ERICH3: variants seen among roughly 807,000 people sequenced by gnomAD.
ERICH3 encodes the protein glutamate rich 3.
Under a neutral mutation model 131.1 loss-of-function variants are expected in ERICH3, and 126 were observed. The observed-to-expected ratio is 0.96, with a 90% confidence interval of 0.83 to 1.11. ERICH3 has a LOEUF of 1.11. ERICH3 is among the 50% of genes most tolerant of loss of function. ERICH3 has a pLI of 0.00. For synonymous variants in ERICH3, 695 were observed against 644.6 expected, an observed-to-expected ratio of 1.08 and a Z score of -1.18; for missense variants, 2,050 against 1,810.7, an observed-to-expected ratio of 1.13 and a Z score of -2.40.
chr1:74,653,630 A>G (rs543846841), intron 1 of ERICH3, among the ~76,000 whole-genome samples: 1 of 152,278 alleles, frequency 6.6e-6, no homozygotes, highest in South Asian at 2.1e-4. Context: ...AGACCCATGT[A>G]ATATGAACAA....
chr1:74,613,771 G>T (rs1486498649), intron 8 of ERICH3, among the ~76,000 whole-genome samples: 1 of 151,978 alleles, frequency 6.6e-6, no homozygotes, highest in Admixed American at 6.6e-5. Context: ...CCCCACAGAC[G>T]TCCTAAACCC....
At position 74,606,912 on chromosome 1, in the gene ERICH3, A is replaced by G; in HGVS notation, c.1188-10T>C. ...CATTGCAATAATGCACCTATGAAAA[A>G]TATTAGCAGGAAGTGTTTGTTAACC... On this transcript the variant is annotated splice_polypyrimidine_tract_variant and intron_variant, in intron 9 of 14. Transcript: ENST00000326665. 6.2e-7 allele frequency: 1 copy of G among 1,604,728 alleles called. No homozygotes were observed. The highest frequency in any genetic ancestry group is 8.5e-7 in the Non-Finnish European group (1 of 1,175,870).
At chr1:74,671,751 A>G (rs1477921563) in intron 1 of ERICH3, among the ~76,000 whole-genome samples, 2 of 152,128 alleles carry the variant, frequency 1.3e-5, no homozygotes, top group African/African-American at 2.4e-5. Context: ...TTCTAACACA[A>G]TTTTCATTTC....
rs776725780 is a variant in ERICH3 at position 74,573,146 on chromosome 1, C to A, written c.2564G>T (p.Gly855Val). ...TGCTGCTTGTCCTATGGGGTCTGAC[C>A]CCCCTTCACCCAGCCTTCTGACCCC... is the stretch of plus-strand genomic sequence containing the variant. Reference protein sequence around the residue: ...AEGVRRLGEGGSDPIGQAAAK... With the variant: ...AEGVRRLGEGVSDPIGQAAAK... The change falls in exon 14 of 15, where the codon GGG becomes GTG. Residue 855 changes from glycine (G) to valine (V), a missense_variant. Gly to Val is a moderately radical substitution (Grantham distance 109, BLOSUM62 -3). Coordinates refer to ENST00000326665, the MANE Select transcript of ERICH3 (RefSeq NM_001002912.5). The A allele has an allele frequency of 1.9e-6, 3 of 1,612,830 alleles. No individual in the cohort carries two copies. In the South Asian group the frequency reaches 3.3e-5, roughly 18 times the overall value.
chr1:74,646,702 C>T lies in ERICH3; in HGVS notation c.208G>A (p.Ala70Thr). ...DHQKYIRECLAQAIFHKVLDM... is the reference protein window; with the variant it reads ...DHQKYIRECLTQAIFHKVLDM... ...AGAACTTTATGAAAAATTGCCTGGG[C>T]TAAGCATTCCCGGATATATTTTTGA... Residue 70 changes from alanine (A) to threonine (T), a missense_variant, in exon 3 of 15, where the codon GCC becomes ACC. By Grantham distance (58) the Ala-to-Thr change is moderately conservative. Coordinates refer to ENST00000326665, the MANE Select transcript of ERICH3 (RefSeq NM_001002912.5). The T allele has an allele frequency of 2.0e-6, 3 of 1,471,438 alleles. No homozygotes were observed. The highest frequency in any genetic ancestry group is 2.8e-6 in the Non-Finnish European group (3 of 1,086,338). 91.1% of individuals were successfully genotyped at this position (1,471,438 alleles called of 1,614,324 possible).
chr1:74,610,792 C>G (rs577725436), intron 9 of ERICH3, among the ~76,000 whole-genome samples: 1 of 151,958 alleles, frequency 6.6e-6, no homozygotes, highest in Non-Finnish European at 1.5e-5. Context: ...TGCACTATAA[C>G]TCGTGCCATG....
intron 13 of ERICH3, among the ~76,000 whole-genome samples, chr1:74,574,235 T>G (rs1259014651): frequency 6.6e-6 from 1 of 152,126 alleles, no homozygotes; most frequent in Admixed American, 6.6e-5. Context: ...CTCTTGGATC[T>G]CAAACTCCCA....
intron 10 of ERICH3, among the ~76,000 whole-genome samples, 164 bp from the exon 11 acceptor site, chr1:74,600,095 G>A (rs1457819175): frequency 6.6e-6 from 1 of 151,794 alleles, no homozygotes; most frequent in Non-Finnish European, 1.5e-5. Context: ...AACAGCAAAT[G>A]ATCAAAGATT....
chr1:74,582,637 C>T (rs1373502900), intron 12 of ERICH3, among the ~76,000 whole-genome samples: 1 of 151,958 alleles, frequency 6.6e-6, no homozygotes, highest in Non-Finnish European at 1.5e-5. Context: ...TTTGTGGAAA[C>T]AAATCAAATA....
At chr1:74,617,799 A>T (rs1232965804) in intron 8 of ERICH3, among the ~76,000 whole-genome samples, 3 of 152,236 alleles carry the variant, frequency 2.0e-5, no homozygotes, top group Non-Finnish European at 2.9e-5. Flanking sequence ...TCTAAAAAGA[A>T]ATTGAATTAT....
intron 8 of ERICH3, among the ~76,000 whole-genome samples, chr1:74,617,215 C>A (rs868385755): frequency 2.7e-5 from 4 of 146,336 alleles, no homozygotes; most frequent in African/African-American, 1.0e-4. Context: ...ACAACAATAA[C>A]CTTTGATAGG....
intron 2 of ERICH3, among the ~76,000 whole-genome samples, chr1:74,647,781 T>A (rs1028672158): frequency 6.6e-6 from 1 of 152,164 alleles, no homozygotes; most frequent in African/African-American, 2.4e-5. Flanking sequence ...CACTGGAGTA[T>A]TAAGATCAAC....
intron 12 of ERICH3, among the ~76,000 whole-genome samples, chr1:74,581,039 A>G (rs985347969): frequency 6.6e-6 from 1 of 152,142 alleles, no homozygotes; most frequent in Non-Finnish European, 1.5e-5. Context: ...GTTTTCCTGT[A>G]TAGTCGTATG....
At chr1:74,647,132 C>T (rs907558451) in intron 2 of ERICH3, among the ~76,000 whole-genome samples, 3 of 152,146 alleles carry the variant, frequency 2.0e-5, no homozygotes, top group African/African-American at 7.2e-5. Context: ...TGTGAAAACA[C>T]ACACAGGTGG....
At position 74,580,494 on chromosome 1, in the gene ERICH3, C is replaced by G. The variant is rs1282315157; in HGVS notation, c.2177-3558G>C. The stretch of plus-strand genomic sequence containing the variant: ...TTTTAGAAGCTTTTTATACATATTT[C>G]TAAATGTTCTTTTAAAAAGGAGGTA... On this transcript the variant is annotated intron_variant, in intron 12 of 14. Transcript: ENST00000326665. Among the ~76,000 whole-genome samples, 3 of 152,090 alleles carry G rather than the reference C, an allele frequency of 2.0e-5. No individual in the cohort carries two copies. The East Asian group carries it at 5.8e-4, about 29-fold the overall frequency.
chr1:74,665,938 T>A (rs1303168632), intron 1 of ERICH3, among the ~76,000 whole-genome samples: 1 of 152,016 alleles, frequency 6.6e-6, no homozygotes, highest in African/African-American at 2.4e-5. Context: ...TAAGTATATA[T>A]CATGGATTTA....
Position 74,573,456 on chromosome 1 carries a change from C to A in ERICH3, c.2254G>T (p.Ala752Ser), listed in dbSNP as rs1409470709. ...TGGGATTCCTTGTTTGAGTTGATTG[C>A]TGCTGTTTCATCCACCATGAAATTC... ...TMNFMVDETA[A>S]INSNKESQQL... The change falls in exon 14 of 15, where the codon GCA (alanine) becomes TCA (serine). Residue 752 changes from alanine to serine, a missense_variant. Physicochemically the swap from Ala to Ser is moderately conservative, Grantham distance 99. Transcript: ENST00000326665. 7.8e-6 allele frequency: 12 copies of A among 1,539,086 alleles called. No individual in the cohort carries two copies. Among genetic ancestry groups the A allele is most frequent in the Non-Finnish European group, 1.0e-5 (12 of 1,147,854 alleles).
intron 8 of ERICH3, among the ~76,000 whole-genome samples, chr1:74,619,120 A>T (rs1470520167): frequency 6.6e-6 from 1 of 152,220 alleles, no homozygotes; most frequent in Non-Finnish European, 1.5e-5. Flanking sequence ...CCATGCTATT[A>T]TTCAAGACTG....
chr1:74,614,229 G>A (rs1352480177), intron 8 of ERICH3, among the ~76,000 whole-genome samples: 1 of 152,090 alleles, frequency 6.6e-6, no homozygotes, highest in African/African-American at 2.4e-5. Context: ...AAATCCATAA[G>A]AGCTGAAGTT....
Sources: gnomAD v4.1 joint callset for allele counts (sites outside exome capture counted in the v4.1 genomes callset) on GRCh38, gnomAD v4.1.1 for gene constraint, MANE v1.5 for transcripts, NCBI Gene and HGNC (gene_info 2026-07-23, HGNC 2026-07-21) for gene names.